Variants in CLDN16 observed in about 807,000 individuals in gnomAD.
The protein encoded by CLDN16 is claudin 16.
In CLDN16, 13 loss-of-function variants were observed where a neutral mutation model predicts 24.6. The observed-to-expected ratio is 0.53, with a 90% CI of 0.34 to 0.84. CLDN16 has a LOEUF of 0.84. Ranked by LOEUF, CLDN16 falls within the 40% of genes least tolerant of loss-of-function variation. CLDN16 has a pLI of 0.01. For missense variants in CLDN16, 298 were observed against 292.7 expected (o/e 1.02, Z -0.13); for synonymous variants, 116 against 106.7 (o/e 1.09, Z -0.54).
intron 1 of CLDN16, among the ~76,000 whole-genome samples, chr3:190,346,623 C>T (rs1177939095): frequency 6.6e-6 from 1 of 152,204 alleles, no homozygotes; most frequent in African/African-American, 2.4e-5. Flanking sequence ...AAAAGAAATT[C>T]ATTCTCTCAT....
intron 1 of CLDN16, among the ~76,000 whole-genome samples, chr3:190,352,760 C>T (rs980574794): frequency 3.3e-5 from 5 of 150,670 alleles, no homozygotes; most frequent in Admixed American, 6.6e-5. Context: ...AAGAGAATCT[C>T]GTAGAATTTA....
chr3:190,390,051 A>G (rs1254878617), intron 1 of CLDN16, among the ~76,000 whole-genome samples: 2 of 152,222 alleles, frequency 1.3e-5, no homozygotes, highest in Non-Finnish European at 2.9e-5. Context: ...CTTTCATTTT[A>G]GTATAACCAA....
At chr3:190,329,232 C>A (rs1475381675) in intron 1 of CLDN16, among the ~76,000 whole-genome samples, 2 of 152,080 alleles carry the variant, frequency 1.3e-5, no homozygotes, top group Non-Finnish European at 2.9e-5. Context: ...CGGGACATTG[C>A]AGATAGAGAG....
chr3:190,370,563 T>G lies in CLDN16; in HGVS notation n.122-330T>G, dbSNP rs1718117101. Among the ~76,000 whole-genome samples the G allele has an allele frequency of 2.0e-5, 3 of 152,056 alleles. No individual in the cohort carries two copies. In the South Asian group the frequency reaches 6.2e-4, roughly 32 times the overall value. On this transcript the variant is annotated intron_variant and non_coding_transcript_variant, in intron 1 of 4. Coordinates refer to the CLDN16 transcript ENST00000468220. The stretch of plus-strand genomic sequence containing the variant: ...AGGGGTGTAATTCACATGGCTATGA[T>G]CTGAATGATGAGCTAAACCTACGTC...
At chr3:190,404,340 T>TA (rs200342776) in intron 2 of CLDN16, among the ~76,000 whole-genome samples, 9 of 151,592 alleles carry the variant, frequency 5.9e-5, no homozygotes, top group South Asian at 2.1e-4. Context: ...TATTTTTAAA[T>TA]AAAAAAAAAT....
chr3:190,294,697 C>G, the CLDN16 span, among the ~76,000 whole-genome samples: 1 of 151,974 alleles, frequency 6.6e-6, no homozygotes, highest in Non-Finnish European at 1.5e-5. Flanking sequence ...TTCTGAAGAA[C>G]ATTTTTTACC....
chr3:190,370,597 C>T (rs1278694782), intron 1 of CLDN16, among the ~76,000 whole-genome samples: 1 of 151,768 alleles, frequency 6.6e-6, no homozygotes, highest in Non-Finnish European at 1.5e-5. Flanking sequence ...TCATGTGCAA[C>T]CTGCAAAAAA....
chr3:190,330,428 T>G (rs891577826), intron 1 of CLDN16, among the ~76,000 whole-genome samples: 4 of 152,204 alleles, frequency 2.6e-5, no homozygotes, highest in Non-Finnish European at 5.9e-5. Flanking sequence ...TAGCTTCAGA[T>G]TGATGCATTC....
upstream of CLDN16, among the ~76,000 whole-genome samples, chr3:190,383,174 C>G (rs563107800): frequency 4.6e-5 from 7 of 152,150 alleles, no homozygotes; most frequent in South Asian, 1.5e-3. Flanking sequence ...TCAAAACAAA[C>G]AAACAAACAA....
intron 1 of CLDN16, among the ~76,000 whole-genome samples, chr3:190,354,230 G>T (rs746546171): frequency 3.9e-5 from 6 of 152,064 alleles, no homozygotes; most frequent in East Asian, 1.9e-4. Context: ...ACACTCAGAG[G>T]TTTCAGGAAT....
the CLDN16 span, chr3:190,313,152 C>A: frequency 8.6e-7 from 1 of 1,167,182 alleles, no homozygotes. Context: ...GACTAGGAAT[C>A]TAGAGACCCC....
intron 1 of CLDN16, among the ~76,000 whole-genome samples, chr3:190,401,149 C>T (rs901359930): frequency 2.0e-5 from 3 of 151,966 alleles, no homozygotes; most frequent in Admixed American, 1.3e-4. Context: ...TTCAGAATCG[C>T]GATGAAGTTG....
intron 1 of CLDN16, among the ~76,000 whole-genome samples, chr3:190,369,326 A>T (rs112219062): frequency 2.4e-4 from 36 of 152,062 alleles, no homozygotes; most frequent in African/African-American, 8.4e-4. Flanking sequence ...TTAAGGTTCC[A>T]GTTCTAGCAT....
the CLDN16 span, chr3:190,310,315 C>A: frequency 8.1e-7 from 1 of 1,242,010 alleles, no homozygotes; most frequent in Non-Finnish European, 1.2e-6. Context: ...AAATACACAA[C>A]CTGTTAAACC....
chr3:190,319,617 G>A (rs1281450314), upstream of CLDN16, among the ~76,000 whole-genome samples: 2 of 152,172 alleles, frequency 1.3e-5, no homozygotes, highest in African/African-American at 4.8e-5. Context: ...CATCTGGCCG[G>A]GAAGACAAGT....
At chr3:190,344,312 A>G (rs77227452) in intron 1 of CLDN16, among the ~76,000 whole-genome samples, 7,172 of 151,862 alleles carry the variant, frequency 0.047, 566 homozygotes, top group African/African-American at 0.16. Context: ...TTATGCATGC[A>G]CCTCCAAGAA....
chr3:190,322,071 T>A (rs201319396), upstream of CLDN16: 108 of 1,614,180 alleles, frequency 6.7e-5, no homozygotes, highest in Middle Eastern at 6.6e-4. Context: ...CCCTCGTACA[T>A]GGCCTGGGCG....
At chr3:190,341,180 T>G (rs1717424273) in intron 1 of CLDN16, among the ~76,000 whole-genome samples, 1 of 152,200 alleles carries the variant, frequency 6.6e-6, no homozygotes, top group African/African-American at 2.4e-5. Context: ...ACAGTTCGAC[T>G]AGGTGGTGCC....
chr3:190,298,114 A>G, the CLDN16 span, among the ~76,000 whole-genome samples: 1 of 152,302 alleles, frequency 6.6e-6, no homozygotes, highest in South Asian at 2.1e-4. Flanking sequence ...ACTATCTGAT[A>G]TAAACAAAAA....
Sources: gnomAD v4.1 joint callset for allele counts (sites outside exome capture counted in the v4.1 genomes callset) on GRCh38, gnomAD v4.1.1 for gene constraint, MANE v1.5 for transcripts, NCBI Gene and HGNC (gene_info 2026-07-23, HGNC 2026-07-21) for gene names.